BAZ2B: variants seen among roughly 807,000 people sequenced by gnomAD.
BAZ2B encodes the protein bromodomain adjacent to zinc finger domain protein 2B.
Under a neutral mutation model 246.0 loss-of-function variants are expected in BAZ2B, and 91 were observed. The ratio of observed to expected loss-of-function variants is 0.37; its 90% CI spans 0.31 to 0.44. The LOEUF (loss-of-function observed/expected upper bound fraction) is 0.44, where lower values mean the gene tolerates loss of function less well. BAZ2B is among the 20% of genes least tolerant of loss of function. The pLI is 1.00. For missense variants in BAZ2B, 2,332 were observed against 2,533.7 expected (o/e 0.92, Z 1.71); for synonymous variants, 855 against 860.0 (o/e 0.99, Z 0.10).
intron 36 of BAZ2B, 90 bp from the exon 37 acceptor site, chr2:159,320,508 G>T: frequency 9.1e-7 from 1 of 1,094,656 alleles, no homozygotes; most frequent in South Asian, 1.7e-5. Context: ...AAAAATGAAA[G>T]AAAAATGATT....
At chr2:159,595,075 ACAT>A (rs1690340271) in intron 1 of BAZ2B, among the ~76,000 whole-genome samples, 1 of 152,010 alleles carries the variant, frequency 6.6e-6, no homozygotes, top group Non-Finnish European at 1.5e-5. Flanking sequence ...AAATACTGAA[ACAT>A]TGATTACTAT....
chr2:159,410,045 T>C (rs2066576502), intron 14 of BAZ2B, among the ~76,000 whole-genome samples: 1 of 152,234 alleles, frequency 6.6e-6, no homozygotes, highest in Non-Finnish European at 1.5e-5. Context: ...TTCTAACTTC[T>C]AATGATAATT....
the BAZ2B span, among the ~76,000 whole-genome samples, chr2:159,711,202 G>A: frequency 2.0e-5 from 3 of 152,106 alleles, no homozygotes; most frequent in Non-Finnish European, 4.4e-5. Context: ...AGGGGCACTC[G>A]AACAGGCTGG....
At chr2:159,571,426 A>G (rs1455690400) in intron 1 of BAZ2B, among the ~76,000 whole-genome samples, 1 of 152,184 alleles carries the variant, frequency 6.6e-6, no homozygotes, top group East Asian at 1.9e-4. Flanking sequence ...TTACTGGTAC[A>G]GAAACCTAAA....
chr2:159,390,598 T>C (rs1312346148), intron 20 of BAZ2B, among the ~76,000 whole-genome samples: 1 of 152,144 alleles, frequency 6.6e-6, no homozygotes, highest in Non-Finnish European at 1.5e-5. Flanking sequence ...GCACCCTGAC[T>C]GCTGCTGGAG....
At chr2:159,331,288 C>A (rs1333911381) in intron 34 of BAZ2B, among the ~76,000 whole-genome samples, 1 of 152,134 alleles carries the variant, frequency 6.6e-6, no homozygotes, top group Non-Finnish European at 1.5e-5. Flanking sequence ...AGTTGAATGA[C>A]AATAAGTTGA....
At chr2:159,485,783 T>A (rs1444488433) in intron 2 of BAZ2B, among the ~76,000 whole-genome samples, 2 of 152,132 alleles carry the variant, frequency 1.3e-5, no homozygotes, top group African/African-American at 2.4e-5. Context: ...TTTGTCCTTA[T>A]CATTCTTTTC....
intron 32 of BAZ2B, 82 bp downstream of exon 32, chr2:159,337,485 T>C (rs2065878223): frequency 1.9e-6 from 3 of 1,611,848 alleles, no homozygotes; most frequent in African/African-American, 1.3e-5. Flanking sequence ...CACTAACGGA[T>C]GGTGCAGGAG....
chr2:159,450,798 G>A (rs1436140031), intron 4 of BAZ2B, among the ~76,000 whole-genome samples: 1 of 150,388 alleles, frequency 6.6e-6, no homozygotes, highest in African/African-American at 2.5e-5. Flanking sequence ...GGAGTGCAGT[G>A]GCCTGCTAGG....
intron 2 of BAZ2B, among the ~76,000 whole-genome samples, chr2:159,538,908 C>A (rs1021668178): frequency 2.0e-5 from 3 of 152,182 alleles, no homozygotes; most frequent in Non-Finnish European, 4.4e-5. Context: ...TCTCTACTTC[C>A]AAGAGAATTC....
chr2:159,675,157 T>G, the BAZ2B span, among the ~76,000 whole-genome samples: 1 of 152,138 alleles, frequency 6.6e-6, no homozygotes, highest in Non-Finnish European at 1.5e-5. Flanking sequence ...ATCCTAGCAC[T>G]TTGGGAAGCC....
intron 14 of BAZ2B, among the ~76,000 whole-genome samples, chr2:159,407,234 G>A (rs888083479): frequency 2.6e-5 from 4 of 151,952 alleles, no homozygotes; most frequent in Non-Finnish European, 5.9e-5. Context: ...CACTTTGGGA[G>A]GCTGAGGTAG....
At chr2:159,346,375 T>C (rs2067799416) in intron 31 of BAZ2B, among the ~76,000 whole-genome samples, 1 of 152,178 alleles carries the variant, frequency 6.6e-6, no homozygotes, top group South Asian at 2.1e-4. Context: ...TCAAATCAAA[T>C]TACATGGAGA....
the BAZ2B span, among the ~76,000 whole-genome samples, chr2:159,645,323 T>C: frequency 6.6e-6 from 1 of 152,016 alleles, no homozygotes; most frequent in East Asian, 1.9e-4. Flanking sequence ...CCAATTTCAT[T>C]GCTTAAAATA....
In BAZ2B at chr2:159,347,600, T is replaced by A. The variant is rs759480789; in HGVS notation, c.5340A>T (p.Arg1780=). The change falls in exon 31 of 37, where the codon CGA becomes CGT. Residue 1780 remains arginine (R), a synonymous_variant. Transcript: ENST00000392783. Reference sequence around the variant, plus strand: ...CTACTGACCAGTTCTCCACAATATCTCGAGTTACTTGGTTTTCTTCATTTT... The same window carrying A: ...CTACTGACCAGTTCTCCACAATATCACGAGTTACTTGGTTTTCTTCATTTT... The part of the protein sequence containing the change: ...LNENEENQVT[R]DIVENWSVEE... The A allele has an allele frequency of 2.5e-6, 4 of 1,612,698 alleles. No homozygotes were observed. The Admixed American group carries it at 6.7e-5, about 27-fold the overall frequency.
At chr2:159,339,858 A>G (rs2066320587) in intron 31 of BAZ2B, among the ~76,000 whole-genome samples, 1 of 152,140 alleles carries the variant, frequency 6.6e-6, no homozygotes, top group Non-Finnish European at 1.5e-5. Flanking sequence ...ATATGTGAGA[A>G]CTAAAAAAGC....
At chr2:159,422,775 C>T (rs2068995419) in intron 13 of BAZ2B, among the ~76,000 whole-genome samples, 1 of 151,984 alleles carries the variant, frequency 6.6e-6, no homozygotes, top group African/African-American at 2.4e-5. Context: ...TCACAGACAA[C>T]CTACAGAATG....
At chr2:159,677,194 A>G in the BAZ2B span, among the ~76,000 whole-genome samples, 2 of 151,440 alleles carry the variant, frequency 1.3e-5, no homozygotes, top group African/African-American at 4.8e-5. Flanking sequence ...AATTCTCAAG[A>G]AAAAATTTGA....
At chr2:159,579,113 C>CA (rs575064543) in intron 1 of BAZ2B, among the ~76,000 whole-genome samples, 288 of 152,112 alleles carry the variant, frequency 1.9e-3, no homozygotes, top group Admixed American at 4.9e-3. Context: ...AAAAACCCTT[C>CA]AAAAAATCAA....
Sources: allele counts gnomAD v4.1 joint callset (sites outside exome capture counted in the v4.1 genomes callset), GRCh38; gene constraint gnomAD v4.1.1; transcripts MANE v1.5; gene names NCBI Gene and HGNC (gene_info 2026-07-23, HGNC 2026-07-21).